GFPT2: variants seen among roughly 807,000 people sequenced by gnomAD.
GFPT2 encodes the protein glutamine--fructose-6-phosphate aminotransferase [isomerizing] 2.
GFPT2 carries 62 observed loss-of-function variants against 85.6 expected under a neutral mutation model. The observed-to-expected ratio is 0.72, with a 90% confidence interval of 0.59 to 0.90. The LOEUF is 0.90. Among genes scored for constraint, GFPT2 ranks in the 40% least tolerant of loss-of-function variants. The probability of loss-of-function intolerance (pLI) is 0.00; values close to 1 mark genes in which losing one functional copy is unlikely to be tolerated. For missense variants in GFPT2, 788 were observed against 893.4 expected, an observed-to-expected ratio of 0.88 and a Z score of 1.50; for synonymous variants, 368 against 344.5, an observed-to-expected ratio of 1.07 and a Z score of -0.75.
At chr5:180,320,807 G>A (rs1267170354) in intron 9 of GFPT2, among the ~76,000 whole-genome samples, 2 of 152,090 alleles carry the variant, frequency 1.3e-5, no homozygotes, top group Admixed American at 6.6e-5. Context: ...ACACCCACAC[G>A]TGACTGCCTG....
intron 4 of GFPT2, 189 bp from the exon 5 acceptor site, chr5:180,331,742 C>G (rs866503410): frequency 6.4e-6 from 4 of 621,658 alleles, no homozygotes; most frequent in Non-Finnish European, 1.2e-5. Flanking sequence ...GGGATTAGCA[C>G]CAGGGATGTC....
intron 15 of GFPT2, among the ~76,000 whole-genome samples, 171 bp from the exon 16 acceptor site, chr5:180,307,474 T>G (rs1763804580): frequency 6.6e-6 from 1 of 152,374 alleles, no homozygotes. Context: ...CTTGGGCTCC[T>G]GGCCAGGATT....
chr5:180,346,262 TC>T (rs1180621977), intron 1 of GFPT2, among the ~76,000 whole-genome samples: 3 of 152,084 alleles, frequency 2.0e-5, no homozygotes, highest in African/African-American at 4.8e-5. Flanking sequence ...AAGCCTGGGC[TC>T]ACCACTTCTA....
chr5:180,304,971 T>G, intron 16 of GFPT2, 32 bp from the exon 17 acceptor site: 1 of 1,494,178 alleles, frequency 6.7e-7, no homozygotes, highest in Non-Finnish European at 9.3e-7. Flanking sequence ...AGAGTCACAC[T>G]GGGCAGATGG....
rs1406232111 is a variant in GFPT2 at position 180,323,027 on chromosome 5, A to AAAAT, written c.794+1157_794+1160dup. On this transcript the variant is annotated intron_variant, in intron 9 of 18. Coordinates refer to ENST00000253778, the MANE Select transcript of GFPT2 (RefSeq NM_005110.4). The surrounding 1 kb of genome is among the most constrained non-coding windows in gnomAD (Gnocchi z 4.0). ...TCCAGTCTGGGCGACAGAGTGAGAC[A>AAAAT]AAATAAATAAATAAATAAAAATAAA... 9.2e-5 allele frequency among the ~76,000 whole-genome samples: 14 copies of AAAAT among 152,160 alleles called. No homozygotes were observed. In the East Asian group the frequency reaches 2.5e-3, roughly 27 times the overall value.
chr5:180,324,561 T>C (rs1179277387), intron 8 of GFPT2: 7 of 587,812 alleles, frequency 1.2e-5, no homozygotes, highest in South Asian at 1.1e-4. Context: ...CAGTTGCCGT[T>C]ATACAATGGC....
rs1281189887 is a variant in GFPT2, at chr5:180,336,533, T to G, written c.160A>C (p.Ile54Leu). ...GNNHEVKERHIQLVKKRGKVK... is the reference protein window; with the variant it reads ...GNNHEVKERHLQLVKKRGKVK... ...TTCCCCCTTTTCTTGACCAGCTGAA[T>G]GTGTCTTTCTTTGACTTCGTGATTA... Residue 54 changes from isoleucine to leucine, a missense_variant, in exon 3 of 19, where the codon ATT becomes CTT. Physicochemically the swap from Ile to Leu is conservative, Grantham distance 5. Coordinates refer to ENST00000253778, the MANE Select transcript of GFPT2 (RefSeq NM_005110.4). 1 of 1,612,310 alleles carries G rather than the reference T, an allele frequency of 6.2e-7. No homozygotes were observed.
rs980804570 is a variant in GFPT2, at chr5:180,328,497, C to T, written c.535-159G>A. On this transcript the variant is annotated intron_variant, in intron 6 of 18. Coordinates refer to ENST00000253778, the MANE Select transcript of GFPT2 (RefSeq NM_005110.4). The surrounding 1 kb of genome is among the most constrained non-coding windows in gnomAD (Gnocchi z 5.4). The stretch of plus-strand genomic sequence containing the variant: ...GAACAGCGCATCCGGGGTGACATCA[C>T]GAGGGAAAGCAAAACAGACGGTGCC... 7.2e-5 allele frequency among the ~76,000 whole-genome samples: 11 copies of T among 152,140 alleles called. No individual in the cohort carries two copies. The highest frequency in any genetic ancestry group is 1.9e-4 in the African/African-American group (8 of 41,424).
rs1184067829 is a variant in GFPT2 at position 180,318,732 on chromosome 5, G to A, written c.958+61C>T. Reference sequence around the variant, plus strand: ...CTACTAGGACCAGGCAGAGTGTCAGGAGCTCCACCAGGCGCGCTGGCTCCC... The same window carrying A: ...CTACTAGGACCAGGCAGAGTGTCAGAAGCTCCACCAGGCGCGCTGGCTCCC... On this transcript the variant is annotated intron_variant, in intron 10 of 18. Coordinates refer to ENST00000253778, the MANE Select transcript of GFPT2 (RefSeq NM_005110.4). This position sits in a 1 kb window ranked among gnomAD's most constrained non-coding sequence, Gnocchi z 4.2. The A allele has an allele frequency of 1.4e-6, 2 of 1,428,692 alleles. No individual in the cohort carries two copies. The highest frequency in any genetic ancestry group is 2.8e-5 in the African/African-American group (2 of 71,390). 88.5% of individuals were successfully genotyped at this position (1,428,692 alleles called of 1,614,324 possible). A position where few individuals can be genotyped will look rare whatever the true frequency, so the allele number is the denominator to read the frequency against.
At chr5:180,301,930 T>A (rs147399556) in intron 18 of GFPT2, among the ~76,000 whole-genome samples, 4 of 111,202 alleles carry the variant, frequency 3.6e-5, no homozygotes, top group Non-Finnish European at 6.0e-5. Context: ...CAAGAATATA[T>A]ATGAATTCCA....
At position 180,323,162 on chromosome 5, in the gene GFPT2, A is replaced by G. The variant is rs928224113; in HGVS notation, c.794+1026T>C. On this transcript the variant is annotated intron_variant, in intron 9 of 18. Coordinates refer to ENST00000253778, the MANE Select transcript of GFPT2 (RefSeq NM_005110.4). This position sits in a 1 kb window ranked among gnomAD's most constrained non-coding sequence, Gnocchi z 4.0. ...AAAAGCTTCAACAAATTCTAATGGT[A>G]CTATGCCAAAATCTACAATTCTCCG... Among the ~76,000 whole-genome samples, 1 of 152,232 alleles carries G rather than the reference A, an allele frequency of 6.6e-6. No individual in the cohort carries two copies. The highest frequency in any genetic ancestry group is 1.5e-5 in the Non-Finnish European group (1 of 68,032).
rs531347898 is a variant in GFPT2 at position 180,323,281 on chromosome 5, C to T, written c.794+907G>A. ...TTGGGAAGCGCTGCCTTGACCTCAG[C>T]GTTAAGTATGATGCTGGCTGTGCGT... On this transcript the variant is annotated intron_variant, in intron 9 of 18. Coordinates refer to ENST00000253778, the MANE Select transcript of GFPT2 (RefSeq NM_005110.4). The surrounding 1 kb of genome is among the most constrained non-coding windows in gnomAD (Gnocchi z 4.0). 1.3e-5 allele frequency among the ~76,000 whole-genome samples: 2 copies of T among 152,302 alleles called. No homozygotes were observed. The highest frequency in any genetic ancestry group is 1.9e-4 in the East Asian group (1 of 5,180).
intron 15 of GFPT2, among the ~76,000 whole-genome samples, chr5:180,310,965 G>T (rs1475911719): frequency 6.6e-6 from 1 of 151,610 alleles, no homozygotes; most frequent in Non-Finnish European, 1.5e-5. Flanking sequence ...CACTGACTTA[G>T]ACGTCAGAAT....
At chr5:180,321,767 GTTTT>G (rs774931717) in intron 9 of GFPT2, among the ~76,000 whole-genome samples, 2 of 12,456 alleles carry the variant, frequency 1.6e-4, no homozygotes, top group African/African-American at 4.5e-4. Context: ...GGAGGGTTTT[GTTTT>G]GTTTTGTTTT....
At chr5:180,351,983 C>T (rs1764718604) in intron 1 of GFPT2, among the ~76,000 whole-genome samples, 1 of 152,176 alleles carries the variant, frequency 6.6e-6, no homozygotes, top group Admixed American at 6.5e-5. Flanking sequence ...GGCAAAACTA[C>T]CACCTTTGCC....
At position 180,333,548 on chromosome 5, in the gene GFPT2, TTTACA is replaced by T. The variant is rs367679503; in HGVS notation, c.341-2000_341-1996del. Among the ~76,000 whole-genome samples, 69 of 152,346 alleles carry T rather than the reference TTTACA, an allele frequency of 4.5e-4. No homozygotes were observed. In the East Asian group the frequency reaches 0.013, roughly 28 times the overall value. ...CATGCCTGGCCGGTGATATTGTTTCTTTACATTATTCTCTTAATTCTGCTACACTT... is the reference window on the plus strand; with the variant it reads ...CATGCCTGGCCGGTGATATTGTTTCTTTATTCTCTTAATTCTGCTACACTT... On this transcript the variant is annotated intron_variant, in intron 4 of 18. Transcript: ENST00000253778.
At chr5:180,345,644 T>C (rs574821665) in intron 1 of GFPT2, among the ~76,000 whole-genome samples, 22 of 152,370 alleles carry the variant, frequency 1.4e-4, no homozygotes, top group Middle Eastern at 3.4e-3. Context: ...TGTAACCTTC[T>C]GGAGGATGGG....
At position 180,324,898 on chromosome 5, in the gene GFPT2, G is replaced by A. The variant is rs372070278; in HGVS notation, c.597-3C>T. ...CGATGAGCAGGGGGCTGCCTCTCCT[G>A]TAGGGAGAAAGAGGCATCCCATTAC... On this transcript the variant is annotated splice_polypyrimidine_tract_variant and splice_region_variant and intron_variant, in intron 7 of 18. Transcript: ENST00000253778. The A allele has an allele frequency of 1.3e-6, 2 of 1,594,826 alleles. No individual in the cohort carries two copies. Among genetic ancestry groups the A allele is most frequent in the South Asian group, 1.1e-5 (1 of 90,738 alleles).
At chr5:180,314,073 C>A in intron 13 of GFPT2, 109 bp from the exon 14 acceptor site, 1 of 1,105,204 alleles carries the variant, frequency 9.0e-7, no homozygotes, top group Non-Finnish European at 1.3e-6. Flanking sequence ...GCCCGAGACA[C>A]AGCCAGCGGG....
Sources: allele counts gnomAD v4.1 joint callset (sites outside exome capture counted in the v4.1 genomes callset), GRCh38; gene constraint gnomAD v4.1.1; non-coding constraint Gnocchi (gnomAD v3.1); transcripts MANE v1.5; gene names NCBI Gene and HGNC (gene_info 2026-07-23, HGNC 2026-07-21).